TPD52L2: variants seen among roughly 807,000 people sequenced by gnomAD.
TPD52L2 encodes the protein tumor protein D54.
TPD52L2 carries 19 observed loss-of-function variants against 24.7 expected under a neutral mutation model. The observed-to-expected ratio is 0.77, with a 90% CI of 0.54 to 1.13. TPD52L2 has a LOEUF of 1.13. Among genes scored for constraint, TPD52L2 ranks in the 50% most tolerant of loss-of-function variants. TPD52L2 has a pLI of 0.00. For missense variants in TPD52L2, 236 were observed against 250.4 expected, an observed-to-expected ratio of 0.94 and a Z score of 0.39; for synonymous variants, 104 against 100.2, an observed-to-expected ratio of 1.04 and a Z score of -0.23.
intron 2 of TPD52L2, 69 bp downstream of exon 2, chr20:63,869,510 AG>A (rs978806263): frequency 1.7e-5 from 27 of 1,592,282 alleles, no homozygotes; most frequent in Non-Finnish European, 2.2e-5. Context: ...GTGAGAGGCC[AG>A]GGTACTGGCC....
At chr20:63,867,381 C>T (rs2052291862) in intron 1 of TPD52L2, among the ~76,000 whole-genome samples, 1 of 152,228 alleles carries the variant, frequency 6.6e-6, no homozygotes, top group Admixed American at 6.5e-5. Flanking sequence ...GCCTAACCAA[C>T]GTGCCAAAAC....
In TPD52L2 at chr20:63,889,226, T is replaced by G; in HGVS notation, c.513T>G (p.Val171=). The change falls in exon 6 of 7, where the codon GTT becomes GTG. Residue 171 remains valine (V), a synonymous_variant. Coordinates refer to ENST00000346249, the MANE Select transcript of TPD52L2 (RefSeq NM_003288.4). ...CCTTCAAGTCGTTTGAGGACCGAGT[T>G]GGGACCATAAAGGTAATTGTACCTG... The part of the protein sequence containing the change: ...SATFKSFEDR[V]GTIKSKVVGD... The G allele has an allele frequency of 6.2e-7, 1 of 1,613,246 alleles. No homozygotes were observed. The highest frequency in any genetic ancestry group is 8.5e-7 in the Non-Finnish European group (1 of 1,179,618).
chr20:63,869,437 C>T lies in TPD52L2; in HGVS notation c.161C>T (p.Thr54Ile), dbSNP rs1305554593. The change falls in exon 2 of 7, where the codon ACC becomes ATC. Residue 54 changes from threonine to isoleucine, a missense_variant. Physicochemically the swap from Thr to Ile is moderately conservative, Grantham distance 89 (BLOSUM62 -1). Transcript: ENST00000346249. ...AEEEELRAEL[T>I]KVEEEIVTLR... Reference sequence around the variant, plus strand: ...GAGGAGGAGCTCAGGGCTGAGCTTACCAAGGTGCTGTGGCTTGGCTGTCTG... The same window carrying T: ...GAGGAGGAGCTCAGGGCTGAGCTTATCAAGGTGCTGTGGCTTGGCTGTCTG... The T allele has an allele frequency of 9.3e-6, 15 of 1,614,082 alleles. No homozygotes were observed. The Admixed American group carries it at 2.0e-4, about 22-fold the overall frequency.
intron 2 of TPD52L2, among the ~76,000 whole-genome samples, chr20:63,870,296 A>T (rs559066314): frequency 1.4e-4 from 21 of 152,136 alleles, no homozygotes; most frequent in Non-Finnish European, 2.8e-4. Flanking sequence ...TTAATTCCAG[A>T]ATCTGGGTCC....
rs1240602472 is a variant in TPD52L2, at chr20:63,889,797, G to A, written c.526-53G>A. 5 of 1,549,500 alleles carry A rather than the reference G, an allele frequency of 3.2e-6. No individual in the cohort carries two copies. In the African/African-American group the frequency reaches 5.4e-5, roughly 17 times the overall value. On this transcript the variant is annotated intron_variant, in intron 6 of 6. Coordinates refer to ENST00000346249, the MANE Select transcript of TPD52L2 (RefSeq NM_003288.4). ...TGAGCATGGGCCTGGGATCTGCCTT[G>A]TGTTGTGTGCTCTGTCTCAGGTTTT...
At chr20:63,874,222 T>TGTGTGTGTGTGTGTG (rs1568944507) in intron 3 of TPD52L2, among the ~76,000 whole-genome samples, 1 of 139,610 alleles carries the variant, frequency 7.2e-6, no homozygotes, top group African/African-American at 2.8e-5. Flanking sequence ...CGGCTGATTT[T>TGTGTGTGTGTGTGTG]TTTTTTTGTG....
chr20:63,870,090 G>A (rs1020604564), intron 2 of TPD52L2, among the ~76,000 whole-genome samples: 1 of 152,172 alleles, frequency 6.6e-6, no homozygotes, highest in African/African-American at 2.4e-5. Context: ...ATTGCATCCT[G>A]CACAGCAGCC....
At position 63,869,585 on chromosome 20, in the gene TPD52L2, G is replaced by T; in HGVS notation, c.165+144G>T. The T allele has an allele frequency of 7.7e-6, 8 of 1,037,176 alleles. No individual in the cohort carries two copies. In the South Asian group the frequency reaches 1.1e-4, roughly 14 times the overall value. The allele number at this position is 1,037,176 out of a possible 1,614,324, so 64.2% of individuals were successfully genotyped here. A position where few individuals can be genotyped will look rare whatever the true frequency, so the allele number is the denominator to read the frequency against. On this transcript the variant is annotated intron_variant, in intron 2 of 6. Transcript: ENST00000346249. ...GCTCTGTGTTCCGACTGATAACGGG[G>T]TTCTCTTTGTATGTGCCCAGCTCCA...
chr20:63,876,075 C>T (rs1210807879), intron 4 of TPD52L2, among the ~76,000 whole-genome samples, 200 bp downstream of exon 4: 1 of 152,170 alleles, frequency 6.6e-6, no homozygotes, highest in African/African-American at 2.4e-5. Flanking sequence ...GAGAGAAACT[C>T]ACTCAGCCAC....
chr20:63,886,146 A>AAGTG (rs2053086938), intron 5 of TPD52L2: 7 of 1,150,858 alleles, frequency 6.1e-6, no homozygotes, highest in Non-Finnish European at 9.2e-6. Flanking sequence ...AGGGCAGTGA[A>AAGTG]AGTGGGATCA....
At chr20:63,880,581 A>G (rs1294342508) in intron 4 of TPD52L2, among the ~76,000 whole-genome samples, 2 of 152,248 alleles carry the variant, frequency 1.3e-5, no homozygotes, top group Admixed American at 1.3e-4. Context: ...AATCAAGGTT[A>G]AAGATGTCTT....
rs376658976 is a variant in TPD52L2 at position 63,866,088 on chromosome 20, ATTTC to A, written c.19+728_19+731del. Among the ~76,000 whole-genome samples, 546 of 151,696 alleles carry A rather than the reference ATTTC, an allele frequency of 3.6e-3. 2 individuals are homozygous for A. The highest frequency in any genetic ancestry group is 0.015 in the South Asian group (70 of 4,792). On this transcript the variant is annotated intron_variant, in intron 1 of 6. Transcript: ENST00000346249. ...TTGGGGCTCTAGAGAGGGATGCTAA[ATTTC>A]TTTCTTTCTTTCTTTCTTTCTTTAT...
At chr20:63,873,155 G>A (rs1052286537) in intron 2 of TPD52L2, among the ~76,000 whole-genome samples, 1 of 152,012 alleles carries the variant, frequency 6.6e-6, no homozygotes, top group African/African-American at 2.4e-5. Flanking sequence ...GTGGGGCATG[G>A]GATAGTTCCC....
chr20:63,878,053 C>T (rs907394697), intron 4 of TPD52L2, among the ~76,000 whole-genome samples: 3 of 152,250 alleles, frequency 2.0e-5, no homozygotes, highest in Non-Finnish European at 4.4e-5. Flanking sequence ...GGCCATGGCG[C>T]GTGCTCTTCC....
At chr20:63,887,352 G>A (rs559106557) in intron 5 of TPD52L2, 22 of 690,508 alleles carry the variant, frequency 3.2e-5, no homozygotes, top group Non-Finnish European at 4.2e-5. Context: ...AGTGCTATGC[G>A]CTGGGCAACT....
intron 4 of TPD52L2, 144 bp downstream of exon 4, chr20:63,876,019 C>T: frequency 1.2e-6 from 1 of 802,230 alleles, no homozygotes; most frequent in Admixed American, 2.7e-5. Flanking sequence ...TTTCTTCTCT[C>T]AGGTAAACTA....
intron 2 of TPD52L2, among the ~76,000 whole-genome samples, chr20:63,873,308 G>A (rs2052536357): frequency 6.6e-6 from 1 of 151,584 alleles, no homozygotes; most frequent in South Asian, 2.1e-4. Flanking sequence ...TGACCAACAT[G>A]GTGAAACCCC....
In TPD52L2 at chr20:63,875,869, C is replaced by T; in HGVS notation, c.368C>T (p.Ser123Leu). The change falls in exon 4 of 7, where the codon TCA becomes TTA. Residue 123 changes from serine to leucine, a missense_variant. Coordinates refer to ENST00000346249, the MANE Select transcript of TPD52L2 (RefSeq NM_003288.4). Reference protein sequence around the residue: ...LGEWNEKVTQSDLYKKTQETL... With the variant: ...LGEWNEKVTQLDLYKKTQETL... ...GAGTGGAATGAGAAAGTGACCCAGT[C>T]AGACCTGTGAGTGCCTGTATCATCA... is the stretch of plus-strand genomic sequence containing the variant. The T allele has an allele frequency of 6.2e-7, 1 of 1,614,216 alleles. No homozygotes were observed. The highest frequency in any genetic ancestry group is 2.2e-5 in the East Asian group (1 of 44,894).
Position 63,882,827 on chromosome 20 carries a change from C to T in TPD52L2, c.476+7C>T, listed in dbSNP as rs371048374. 2.0e-4 allele frequency: 313 copies of T among 1,604,898 alleles called. No individual in the cohort carries two copies. Among genetic ancestry groups the T allele is most frequent in the Non-Finnish European group, 2.5e-4 (292 of 1,174,502 alleles). The stretch of plus-strand genomic sequence containing the variant: ...GGAAGCTTGGAGACATGAGGTGAGA[C>T]GCAACCCTGACTCTGCTGCCCTGAG... On this transcript the variant is annotated splice_region_variant and intron_variant, in intron 5 of 6. Transcript: ENST00000346249.
Sources: gnomAD v4.1 joint callset for allele counts (sites outside exome capture counted in the v4.1 genomes callset) on GRCh38, gnomAD v4.1.1 for gene constraint, MANE v1.5 for transcripts, NCBI Gene and HGNC (gene_info 2026-07-23, HGNC 2026-07-21) for gene names.